Variants in CCDC138 observed in about 807,000 individuals in gnomAD.
CCDC138 encodes coiled-coil domain containing 138, also known as coiled-coil domain-containing protein 138.
A neutral mutation model predicts 82.3 loss-of-function variants in CCDC138; 66 were observed. The observed-to-expected ratio is 0.80, with a 90% CI of 0.66 to 0.98. The LOEUF (loss-of-function observed/expected upper bound fraction) is 0.98. Ranked by LOEUF, CCDC138 falls within the 50% of genes least tolerant of loss-of-function variation. The pLI, the probability that CCDC138 is intolerant of heterozygous loss-of-function variation, is 0.00. For missense variants in CCDC138, 816 were observed against 758.9 expected, an observed-to-expected ratio of 1.08 and a Z score of -0.88; for synonymous variants, 297 against 265.4, an observed-to-expected ratio of 1.12 and a Z score of -1.16.
chr2:108,789,270 CTCCCT>C (rs1180750149), intron 3 of CCDC138, among the ~76,000 whole-genome samples: 2 of 152,158 alleles, frequency 1.3e-5, no homozygotes, highest in Admixed American at 1.3e-4. Context: ...GAAGACTCTG[CTCCCT>C]TTCTTTAAAA....
rs1248642594 is a variant in CCDC138 at position 108,793,109 on chromosome 2, G to C, written c.394+1307G>C. Among the ~76,000 whole-genome samples the C allele has an allele frequency of 2.0e-5, 3 of 147,946 alleles. No homozygotes were observed. The Admixed American group carries it at 2.0e-4, about 10-fold the overall frequency. On this transcript the variant is annotated intron_variant, in intron 4 of 14. Transcript: ENST00000295124. ...ACGGTGGCTCGTGCCTGTAATCCCA[G>C]CACTTTGGGAGGCAGAGGTGGGCGG...
At chr2:108,822,651 T>C (rs945302195) in intron 10 of CCDC138, among the ~76,000 whole-genome samples, 1 of 152,170 alleles carries the variant, frequency 6.6e-6, no homozygotes, top group Non-Finnish European at 1.5e-5. Flanking sequence ...AGGATAACTA[T>C]AAAATCCACA....
intron 11 of CCDC138, among the ~76,000 whole-genome samples, chr2:108,843,216 G>A (rs542928307): frequency 6.6e-6 from 1 of 152,226 alleles, no homozygotes; most frequent in East Asian, 1.9e-4. Flanking sequence ...AGAGTGCAGT[G>A]GCATGATCTT....
chr2:108,826,293 T>G lies in CCDC138; in HGVS notation c.1206+10188T>G, dbSNP rs186098788. Among the ~76,000 whole-genome samples, 631 of 152,286 alleles carry G rather than the reference T, an allele frequency of 4.1e-3. 3 individuals are homozygous for G. The highest frequency in any genetic ancestry group is 6.1e-3 in the Non-Finnish European group (415 of 67,988). ...TCCAATTTATGCTTTTTTCTTTGCT[T>G]GTATGTTTTGCATCATGTTTAAGAA... On this transcript the variant is annotated intron_variant, in intron 10 of 14. Transcript: ENST00000295124.
At chr2:108,837,693 C>T (rs1044856354) in intron 10 of CCDC138, among the ~76,000 whole-genome samples, 3 of 152,104 alleles carry the variant, frequency 2.0e-5, no homozygotes, top group African/African-American at 7.2e-5. Context: ...GTACATAATA[C>T]TTGATCATAA....
Position 108,837,412 on chromosome 2 carries a change from A to G in CCDC138, c.1207-1773A>G, listed in dbSNP as rs1574148641. On this transcript the variant is annotated intron_variant, in intron 10 of 14. Coordinates refer to ENST00000295124, the MANE Select transcript of CCDC138 (RefSeq NM_144978.3). ...TTAGTCATGGCGTATAATCCCTTTT[A>G]ATATACCGCCATGCACTGTATAATG... 2.0e-5 allele frequency among the ~76,000 whole-genome samples: 3 copies of G among 152,322 alleles called. No individual in the cohort carries two copies. The East Asian group carries it at 5.8e-4, about 29-fold the overall frequency.
chr2:108,812,926 A>T lies in CCDC138; in HGVS notation c.1040A>T (p.Lys347Met). 6.2e-7 allele frequency: 1 copy of T among 1,612,278 alleles called. No homozygotes were observed. Among genetic ancestry groups the T allele is most frequent in the Non-Finnish European group, 8.5e-7 (1 of 1,178,604 alleles). ...AAAGCACCAGTTTCAAAAACTTACA[A>T]GGTAAGTTTGAATTATGATTTGATA... ...QEKAPVSKTY[K>M]VPLNGQVYEL... Residue 347 changes from lysine (K) to methionine (M), a missense_variant and splice_region_variant, in exon 9 of 15, where the codon AAG becomes ATG. Physicochemically the swap from Lys to Met is moderately conservative, Grantham distance 95. Transcript: ENST00000295124.
chr2:108,795,048 TA>T (rs1341210611), intron 5 of CCDC138, among the ~76,000 whole-genome samples: 5 of 81,900 alleles, frequency 6.1e-5, no homozygotes, highest in Non-Finnish European at 1.7e-4. Context: ...TTTATTGTTT[TA>T]AGTACTTATA....
intron 10 of CCDC138, among the ~76,000 whole-genome samples, chr2:108,834,797 T>C (rs1397722619): frequency 6.6e-6 from 1 of 152,220 alleles, no homozygotes; most frequent in Non-Finnish European, 1.5e-5. Context: ...CTCGTCTACT[T>C]TCTATCTCTA....
At chr2:108,872,294 A>G (rs1414035765) in intron 13 of CCDC138, among the ~76,000 whole-genome samples, 2 of 152,124 alleles carry the variant, frequency 1.3e-5, no homozygotes, top group African/African-American at 4.8e-5. Context: ...CATACGCAGA[A>G]TACATTCATT....
intron 11 of CCDC138, among the ~76,000 whole-genome samples, chr2:108,846,247 A>G (rs1043502035): frequency 6.6e-6 from 1 of 152,200 alleles, no homozygotes; most frequent in South Asian, 2.1e-4. Context: ...ATGTTCTTAC[A>G]TGTTTTAGAA....
intron 4 of CCDC138, among the ~76,000 whole-genome samples, chr2:108,794,114 ACAAG>A (rs1179078636): frequency 6.6e-6 from 1 of 152,186 alleles, no homozygotes. Flanking sequence ...AAAAGGCAAA[ACAAG>A]CAAGGACTTT....
At chr2:108,815,210 A>G (rs1431252238) in intron 9 of CCDC138, among the ~76,000 whole-genome samples, 1 of 152,148 alleles carries the variant, frequency 6.6e-6, no homozygotes, top group African/African-American at 2.4e-5. Context: ...GATAAGTTTC[A>G]TAGTGGAAAT....
At chr2:108,794,182 C>A (rs1724195) in intron 4 of CCDC138, among the ~76,000 whole-genome samples, 1 of 152,018 alleles carries the variant, frequency 6.6e-6, no homozygotes, top group African/African-American at 2.4e-5. Flanking sequence ...GTAACACTTA[C>A]TTGCATTAGT....
intron 13 of CCDC138, among the ~76,000 whole-genome samples, chr2:108,861,974 A>G (rs905688617): frequency 3.8e-4 from 58 of 151,608 alleles, no homozygotes; most frequent in African/African-American, 1.4e-3. Flanking sequence ...TCGGGAGTAA[A>G]TTCTTTAGTT....
intron 12 of CCDC138, among the ~76,000 whole-genome samples, chr2:108,854,066 T>TTATATTATATATA (rs1692210355): frequency 8.2e-6 from 1 of 121,778 alleles, no homozygotes; most frequent in African/African-American, 3.4e-5. Flanking sequence ...TTATATATAT[T>TTATATTATATATA]TTATATATAA....
intron 13 of CCDC138, among the ~76,000 whole-genome samples, chr2:108,872,825 C>T (rs996344118): frequency 6.6e-6 from 1 of 152,178 alleles, no homozygotes; most frequent in Middle Eastern, 3.2e-3. Context: ...TGCCTGCAGG[C>T]CCCCCACATC....
intron 10 of CCDC138, among the ~76,000 whole-genome samples, chr2:108,833,685 A>G (rs1688071919): frequency 6.6e-6 from 1 of 152,004 alleles, no homozygotes; most frequent in African/African-American, 2.4e-5. Flanking sequence ...AATTTTCACA[A>G]ATTTTTTTGT....
In CCDC138 at chr2:108,815,924, T is replaced by C. The variant is rs1207737993; in HGVS notation, c.1042-17T>C. 6.3e-7 allele frequency: 1 copy of C among 1,579,252 alleles called. No individual in the cohort carries two copies. Among genetic ancestry groups the C allele is most frequent in the African/African-American group, 1.4e-5 (1 of 72,964 alleles). Reference sequence around the variant, plus strand: ...AAGTTGTGAACTGAAATAAATGATTTAATTTTTGACATATAGGTACCACTT... The same window carrying C: ...AAGTTGTGAACTGAAATAAATGATTCAATTTTTGACATATAGGTACCACTT... On this transcript the variant is annotated splice_polypyrimidine_tract_variant and intron_variant, in intron 9 of 14. Coordinates refer to ENST00000295124, the MANE Select transcript of CCDC138 (RefSeq NM_144978.3).
Sources: allele counts gnomAD v4.1 joint callset (sites outside exome capture counted in the v4.1 genomes callset), GRCh38; gene constraint gnomAD v4.1.1; transcripts MANE v1.5; gene names NCBI Gene and HGNC (gene_info 2026-07-23, HGNC 2026-07-21).